The following CDH11 variants were observed in gnomAD, a reference collection of about 807,000 sequenced individuals.
CDH11 encodes cadherin-11.
CDH11 carries 11 observed loss-of-function variants against 67.8 expected under a neutral mutation model. The ratio of observed to expected loss-of-function variants is 0.16; its 90% CI spans 0.10 to 0.27. The LOEUF (loss-of-function observed/expected upper bound fraction) is 0.27. CDH11 is among the 10% of genes least tolerant of loss of function. The probability of loss-of-function intolerance (pLI) is 1.00; values close to 1 mark genes in which losing one functional copy is unlikely to be tolerated. For missense variants in CDH11, 847 were observed against 1,031.2 expected, an observed-to-expected ratio of 0.82 and a Z score of 2.45; for synonymous variants, 419 against 400.0, an observed-to-expected ratio of 1.05 and a Z score of -0.57.
At chr16:65,048,975 C>A (rs750810095) in intron 2 of CDH11, among the ~76,000 whole-genome samples, 10 of 151,976 alleles carry the variant, frequency 6.6e-5, no homozygotes, top group Non-Finnish European at 1.5e-4. Flanking sequence ...TACTGCATAT[C>A]CTCAGTTATG....
chr16:65,078,671 T>C (rs1305021558), intron 1 of CDH11, among the ~76,000 whole-genome samples: 3 of 152,162 alleles, frequency 2.0e-5, no homozygotes, highest in Non-Finnish European at 4.4e-5. Flanking sequence ...CAAGCATTTA[T>C]CAGGTGCTGT....
intron 11 of CDH11, 104 bp downstream of exon 11, chr16:64,971,475 G>A: frequency 1.5e-6 from 1 of 685,098 alleles, no homozygotes; most frequent in Non-Finnish European, 2.5e-6. Context: ...TTCTTCAACA[G>A]GAAGACATTA....
chr16:65,119,311 T>A (rs964189650), intron 1 of CDH11: 2 of 151,984 alleles, frequency 1.3e-5, no homozygotes, highest in Non-Finnish European at 2.9e-5. Context: ...AACATGCACA[T>A]CCACAGCCAC....
intron 2 of CDH11, among the ~76,000 whole-genome samples, chr16:65,029,754 G>C (rs1037875189): frequency 6.6e-6 from 1 of 152,142 alleles, no homozygotes; most frequent in African/African-American, 2.4e-5. Context: ...GGGCGGCTTT[G>C]GTTATTTGAA....
intron 11 of CDH11, among the ~76,000 whole-genome samples, chr16:64,956,611 C>A (rs971511596): frequency 6.6e-6 from 1 of 152,148 alleles, no homozygotes; most frequent in African/African-American, 2.4e-5. Flanking sequence ...TGCATGTTTT[C>A]CCCCACTTAG....
intron 2 of CDH11, among the ~76,000 whole-genome samples, chr16:65,041,972 A>C (rs1363532969): frequency 6.6e-6 from 1 of 152,224 alleles, no homozygotes; most frequent in Non-Finnish European, 1.5e-5. Flanking sequence ...GAGATGTCTG[A>C]AGATTCTGCT....
chr16:64,993,661 G>A (rs1412726154), intron 4 of CDH11, among the ~76,000 whole-genome samples: 1 of 152,162 alleles, frequency 6.6e-6, no homozygotes, highest in Non-Finnish European at 1.5e-5. Context: ...AACATCTGGT[G>A]AGAGGTAAGG....
intron 2 of CDH11, among the ~76,000 whole-genome samples, chr16:65,043,023 A>C (rs1404943826): frequency 6.6e-6 from 1 of 152,208 alleles, no homozygotes; most frequent in Non-Finnish European, 1.5e-5. Context: ...TTGCTACTCC[A>C]TGTAAATGCT....
chr16:64,963,495 A>G (rs889825942), intron 11 of CDH11, among the ~76,000 whole-genome samples: 8 of 152,212 alleles, frequency 5.3e-5, no homozygotes, highest in Non-Finnish European at 7.3e-5. Flanking sequence ...TGATGATAAT[A>G]CCAGAAACAG....
At chr16:65,056,446 A>G (rs1199574567) in intron 1 of CDH11, among the ~76,000 whole-genome samples, 1 of 152,202 alleles carries the variant, frequency 6.6e-6, no homozygotes, top group Non-Finnish European at 1.5e-5. Context: ...TCAATCCACA[A>G]AACTGTAAGA....
intron 1 of CDH11, among the ~76,000 whole-genome samples, chr16:65,108,051 G>A (rs1360412878): frequency 6.6e-6 from 1 of 152,100 alleles, no homozygotes; most frequent in East Asian, 1.9e-4. Context: ...CAAGAAATGA[G>A]ACAGAAGTTA....
chr16:65,019,204 T>G (rs2073374861), intron 2 of CDH11, among the ~76,000 whole-genome samples: 1 of 152,186 alleles, frequency 6.6e-6, no homozygotes, highest in Admixed American at 6.5e-5. Context: ...TTTAAAAAGA[T>G]TAATAGGATA....
chr16:64,973,752 G>C (rs1191910102), intron 8 of CDH11, among the ~76,000 whole-genome samples: 1 of 152,044 alleles, frequency 6.6e-6, no homozygotes, highest in Non-Finnish European at 1.5e-5. Flanking sequence ...GCTGCAGTTA[G>C]CCAAGATCAT....
chr16:64,961,012 TG>T (rs2071658681), intron 11 of CDH11, among the ~76,000 whole-genome samples: 1 of 152,170 alleles, frequency 6.6e-6, no homozygotes. Context: ...CTAATTTTGC[TG>T]GATGTGCTTT....
intron 2 of CDH11, among the ~76,000 whole-genome samples, chr16:65,047,967 T>G (rs918267103): frequency 6.6e-6 from 1 of 152,196 alleles, no homozygotes; most frequent in Admixed American, 6.5e-5. Flanking sequence ...AAAGGAACTC[T>G]GTACCATGGT....
At chr16:65,037,637 C>T (rs969420663) in intron 2 of CDH11, among the ~76,000 whole-genome samples, 1 of 152,084 alleles carries the variant, frequency 6.6e-6, no homozygotes, top group Non-Finnish European at 1.5e-5. Context: ...GCTAGAGTAA[C>T]CCCCATCAAA....
intron 2 of CDH11, among the ~76,000 whole-genome samples, chr16:65,009,310 A>T (rs1409604214): frequency 6.6e-6 from 1 of 152,214 alleles, no homozygotes; most frequent in Non-Finnish European, 1.5e-5. Context: ...AACAAGAGGT[A>T]ATTACATCAG....
At position 65,098,071 on chromosome 16, in the gene CDH11, C is replaced by T. The variant is rs528684646; in HGVS notation, c.-298+23809G>A. 2.6e-5 allele frequency among the ~76,000 whole-genome samples: 4 copies of T among 152,094 alleles called. No individual in the cohort carries two copies. The South Asian group carries it at 6.2e-4, about 24-fold the overall frequency. Reference sequence around the variant, plus strand: ...ACCAGAAGACTCACCTTGCTCAACACGATGGAGAAAATCAATTATCAAAAT... The same window carrying T: ...ACCAGAAGACTCACCTTGCTCAACATGATGGAGAAAATCAATTATCAAAAT... On this transcript the variant is annotated intron_variant, in intron 1 of 12. Transcript: ENST00000268603.
intron 8 of CDH11, among the ~76,000 whole-genome samples, chr16:64,976,406 A>G (rs961955873): frequency 1.3e-5 from 2 of 152,224 alleles, no homozygotes; most frequent in African/African-American, 4.8e-5. Flanking sequence ...CTGAGACAAA[A>G]AAAAACAAAA....
Sources: allele counts gnomAD v4.1 joint callset (sites outside exome capture counted in the v4.1 genomes callset), GRCh38; gene constraint gnomAD v4.1.1; transcripts MANE v1.5; gene names NCBI Gene and HGNC (gene_info 2026-07-23, HGNC 2026-07-21).